Variants in FMR1NB observed in about 807,000 individuals in gnomAD.
The protein encoded by FMR1NB is FMR1 neighbor protein.
Under a neutral mutation model 16.8 loss-of-function variants are expected in FMR1NB, and 10 were observed. That is an observed-to-expected ratio of 0.60 (90% confidence interval 0.37 to 1.01). FMR1NB has a LOEUF of 1.01. Among genes scored for constraint, FMR1NB ranks in the 50% least tolerant of loss-of-function variants. FMR1NB has a pLI of 0.01. For synonymous variants in FMR1NB, 83 were observed against 79.1 expected, an observed-to-expected ratio of 1.05 and a Z score of -0.26; for missense variants, 205 against 204.8, an observed-to-expected ratio of 1.00 and a Z score of 0.00.
At chrX:148,005,750 A>T in intron 2 of FMR1NB, among the ~76,000 whole-genome samples, 1 of 112,137 alleles carries the variant, frequency 8.9e-6, no homozygotes. Context: ...GGTAGATATT[A>T]TTATTTTTAC....
At chrX:148,002,954 A>G (rs1293574572) in intron 1 of FMR1NB, among the ~76,000 whole-genome samples, 1 of 112,457 alleles carries the variant, frequency 8.9e-6, no homozygotes, top group East Asian at 2.8e-4. Flanking sequence ...ACTATTGTAA[A>G]TCAGCTTACA....
At chrX:148,023,847 G>A (rs945586674) in intron 4 of FMR1NB, among the ~76,000 whole-genome samples, 4 of 111,433 alleles carry the variant, frequency 3.6e-5, no homozygotes, top group African/African-American at 1.3e-4. Context: ...AGGAGAGAAT[G>A]AGACAGGTTA....
chrX:147,992,953 G>T (rs1557187851), intron 1 of FMR1NB, among the ~76,000 whole-genome samples: 1 of 104,072 alleles, frequency 9.6e-6, no homozygotes, highest in Non-Finnish European at 2.0e-5. Context: ...AGGCAGAGGG[G>T]CTCCTCACAT....
chrX:148,024,802 C>T (rs2044695246), intron 4 of FMR1NB, 63 bp from the exon 5 acceptor site: 2 of 1,142,648 alleles, frequency 1.8e-6, no homozygotes, highest in African/African-American at 1.8e-5. Flanking sequence ...TCCTTATAAC[C>T]CTCCCATTGT....
intron 4 of FMR1NB, among the ~76,000 whole-genome samples, chrX:148,012,196 G>T (rs188500221): frequency 0.078 from 1,565 of 19,941 alleles, 16 homozygotes; most frequent in South Asian, 0.3. Flanking sequence ...AAAAAGGGAG[G>T]TGGCTGAATT....
chrX:147,984,448 T>C (rs1557186913), intron 1 of FMR1NB, among the ~76,000 whole-genome samples: 1 of 112,569 alleles, frequency 8.9e-6, no homozygotes, highest in Admixed American at 9.4e-5. Flanking sequence ...TTAAATTTAT[T>C]TTTAGATATT....
At chrX:148,014,301 G>A (rs2044639074) in intron 4 of FMR1NB, among the ~76,000 whole-genome samples, 1 of 111,437 alleles carries the variant, frequency 9.0e-6, no homozygotes, top group Admixed American at 9.5e-5. Flanking sequence ...AGGAATTAAG[G>A]ATACCTGCCA....
intron 1 of FMR1NB, among the ~76,000 whole-genome samples, chrX:147,982,315 G>A (rs1301442612): frequency 0.06 from 20 of 333 alleles, no homozygotes; most frequent in Middle Eastern, 0.5. Flanking sequence ...AGGACTGGGC[G>A]CAGTGCTCAC....
At chrX:148,009,385 T>C (rs781808292) in intron 4 of FMR1NB, among the ~76,000 whole-genome samples, 3 of 111,158 alleles carry the variant, frequency 2.7e-5, no homozygotes, top group Non-Finnish European at 5.7e-5. Context: ...TCATCTGCCA[T>C]TGGTCTTTAA....
chrX:147,990,134 TA>T (rs1464311333), intron 1 of FMR1NB, among the ~76,000 whole-genome samples: 2 of 111,031 alleles, frequency 1.8e-5, no homozygotes, highest in African/African-American at 6.6e-5. Flanking sequence ...CCTGGTGGTG[TA>T]GGCACATGAG....
intron 4 of FMR1NB, among the ~76,000 whole-genome samples, chrX:148,012,690 C>T (rs2044631111): frequency 9.0e-6 from 1 of 111,471 alleles, no homozygotes; most frequent in Non-Finnish European, 1.9e-5. Flanking sequence ...GCATGATTCC[C>T]TGTATTATAA....
At chrX:148,009,220 A>G (rs1302900158) in intron 4 of FMR1NB, among the ~76,000 whole-genome samples, 1 of 111,512 alleles carries the variant, frequency 9.0e-6, no homozygotes, top group Non-Finnish European at 1.9e-5. Flanking sequence ...TTATTTTTCC[A>G]TAGATTTTCT....
intron 3 of FMR1NB, chrX:148,008,316 G>A (rs1041960156): frequency 9.0e-6 from 2 of 221,507 alleles, no homozygotes; most frequent in African/African-American, 5.7e-5. Context: ...AGCCAATTTA[G>A]GGCCAGAGGA....
At chrX:148,011,823 A>G (rs782509327) in intron 4 of FMR1NB, among the ~76,000 whole-genome samples, 1 of 111,566 alleles carries the variant, frequency 9.0e-6, no homozygotes, top group East Asian at 2.8e-4. Context: ...GAAAAAATCT[A>G]TAACTGAATC....
chrX:147,996,715 CT>C (rs1381224781), intron 1 of FMR1NB, among the ~76,000 whole-genome samples: 3 of 112,067 alleles, frequency 2.7e-5, no homozygotes, highest in African/African-American at 9.7e-5. Context: ...GTGTGGGGCC[CT>C]GTTTGACTGC....
At chrX:147,998,458 G>C (rs1020555417) in intron 1 of FMR1NB, among the ~76,000 whole-genome samples, 2 of 111,634 alleles carry the variant, frequency 1.8e-5, no homozygotes, top group African/African-American at 6.5e-5. Context: ...CTGTCAGGGG[G>C]TGGGGGGCTA....
intron 1 of FMR1NB, 26 bp downstream of exon 1, chrX:147,981,705 G>T: frequency 1.9e-6 from 1 of 539,292 alleles, no homozygotes; most frequent in South Asian, 5.5e-5. Context: ...GGCCAGGCAG[G>T]GAAATGCTGG....
intron 1 of FMR1NB, among the ~76,000 whole-genome samples, chrX:148,002,448 AT>A (rs1289617935): frequency 2.7e-5 from 3 of 111,817 alleles, no homozygotes; most frequent in Admixed American, 9.5e-5. Context: ...TTAAGAATTT[AT>A]CTTAAGTAAT....
intron 1 of FMR1NB, among the ~76,000 whole-genome samples, chrX:147,994,183 C>T (rs1236324178): frequency 9.0e-6 from 1 of 111,301 alleles, no homozygotes; most frequent in Admixed American, 9.6e-5. Flanking sequence ...GCTTCTTTCT[C>T]CCTGCTCTCC....
Sources: gnomAD v4.1 joint callset for allele counts (sites outside exome capture counted in the v4.1 genomes callset) on GRCh38, gnomAD v4.1.1 for gene constraint, MANE v1.5 for transcripts, NCBI Gene and HGNC (gene_info 2026-07-23, HGNC 2026-07-21) for gene names.